The following RIN2 variants were observed in gnomAD, a reference collection of about 807,000 sequenced individuals.
RIN2 encodes the protein Ras and Rab interactor 2.
In RIN2, 36 loss-of-function variants were observed where a neutral mutation model predicts 78.0. That is an observed-to-expected ratio of 0.46 (90% confidence interval 0.35 to 0.61). The LOEUF (loss-of-function observed/expected upper bound fraction) is 0.61, where lower values mean the gene tolerates loss of function less well. RIN2 is among the 20% of genes least tolerant of loss of function. The pLI, the probability that RIN2 is intolerant of heterozygous loss-of-function variation, is 0.00. For synonymous variants in RIN2, 466 were observed against 466.8 expected, an observed-to-expected ratio of 1.00 and a Z score of 0.02; for missense variants, 1,087 against 1,159.7, an observed-to-expected ratio of 0.94 and a Z score of 0.91.
chr20:19,962,861 G>T (rs2041810286), intron 6 of RIN2, among the ~76,000 whole-genome samples: 1 of 152,132 alleles, frequency 6.6e-6, no homozygotes, highest in Non-Finnish European at 1.5e-5. Context: ...GGAGGTTGAG[G>T]CAGGAGAATC....
At chr20:19,848,253 G>A (rs997822937) in intron 2 of RIN2, among the ~76,000 whole-genome samples, 5 of 152,042 alleles carry the variant, frequency 3.3e-5, no homozygotes, top group African/African-American at 7.2e-5. Flanking sequence ...GCAGGGTCTC[G>A]GCCAGACAAG....
chr20:19,822,832 T>A (rs1256106854), intron 2 of RIN2, among the ~76,000 whole-genome samples: 4 of 152,260 alleles, frequency 2.6e-5, no homozygotes, highest in Non-Finnish European at 5.9e-5. Context: ...GTGCTTTGGA[T>A]GCATTTATTT....
At chr20:19,801,353 CTCTGT>C (rs1206099253) in intron 2 of RIN2, among the ~76,000 whole-genome samples, 1 of 151,688 alleles carries the variant, frequency 6.6e-6, no homozygotes, top group Admixed American at 6.6e-5. Context: ...CAGAGTCTTG[CTCTGT>C]CACCCAGGCT....
intron 10 of RIN2, among the ~76,000 whole-genome samples, 173 bp from the exon 11 acceptor site, chr20:19,991,995 A>G (rs2042810555): frequency 6.6e-6 from 1 of 152,256 alleles, no homozygotes. Flanking sequence ...CTCTAACATT[A>G]GCAGCTGGGA....
intron 5 of RIN2, among the ~76,000 whole-genome samples, chr20:19,958,022 C>T (rs1414126936): frequency 6.6e-6 from 1 of 152,200 alleles, no homozygotes; most frequent in African/African-American, 2.4e-5. Flanking sequence ...GAGAAAATCC[C>T]ATTAGTAGCT....
At chr20:19,945,453 T>C (rs547568135) in intron 4 of RIN2, among the ~76,000 whole-genome samples, 3 of 152,308 alleles carry the variant, frequency 2.0e-5, no homozygotes, top group African/African-American at 7.2e-5. Context: ...CACCTGCCTT[T>C]ATCCAAGAGC....
At chr20:19,998,886 C>G (rs1239594857) in intron 12 of RIN2, among the ~76,000 whole-genome samples, 1 of 152,180 alleles carries the variant, frequency 6.6e-6, no homozygotes, top group African/African-American at 2.4e-5. Flanking sequence ...CCTTTCCCCA[C>G]CTGCCAACAC....
intron 9 of RIN2, among the ~76,000 whole-genome samples, chr20:19,982,271 G>GA (rs1260499550): frequency 1.3e-5 from 2 of 152,178 alleles, no homozygotes; most frequent in African/African-American, 2.4e-5. Context: ...TACAGATGAG[G>GA]AAGCTGAGGC....
intron 3 of RIN2, among the ~76,000 whole-genome samples, chr20:19,933,434 G>A (rs13039945): frequency 0.021 from 3,168 of 152,084 alleles, 93 homozygotes; most frequent in African/African-American, 0.059. Flanking sequence ...TGACCAACCC[G>A]CCCTGATCTG....
Position 19,764,922 on chromosome 20 carries a change from T to TG in RIN2, c.-163+6595_-163+6596insG, listed in dbSNP as rs1459613738. Among the ~76,000 whole-genome samples the TG allele has an allele frequency of 3.9e-4, 44 of 111,406 alleles. No homozygotes were observed. In the South Asian group the frequency reaches 9.5e-3, roughly 24 times the overall value. 73.1% of individuals were successfully genotyped at this position (111,406 alleles called of 152,430 possible). On this transcript the variant is annotated intron_variant, in intron 1 of 12. Transcript: ENST00000255006. The stretch of plus-strand genomic sequence containing the variant: ...AAGTCCCACTTCACTTTCTGCGTTT[T>TG]TTTTTTTTTTTTTTTTTTTTTGACA...
chr20:19,874,733 A>G (rs1437515772), intron 2 of RIN2, among the ~76,000 whole-genome samples: 1 of 152,186 alleles, frequency 6.6e-6, no homozygotes, highest in East Asian at 1.9e-4. Context: ...GAGTGTAATG[A>G]GAGTTGAGGG....
chr20:19,896,253 A>G (rs182297292), intron 3 of RIN2, among the ~76,000 whole-genome samples: 482 of 152,194 alleles, frequency 3.2e-3, no homozygotes, highest in Non-Finnish European at 5.7e-3. Context: ...CAGTGACATG[A>G]TCTTGGCTCG....
intron 4 of RIN2, among the ~76,000 whole-genome samples, chr20:19,952,687 C>T (rs972737270): frequency 1.3e-5 from 2 of 152,244 alleles, no homozygotes; most frequent in South Asian, 2.1e-4. Flanking sequence ...GATATGTCAA[C>T]GTGTTTACTT....
intron 3 of RIN2, among the ~76,000 whole-genome samples, chr20:19,898,422 CA>C (rs1032713711): frequency 4.6e-5 from 7 of 152,214 alleles, no homozygotes; most frequent in Admixed American, 3.3e-4. Flanking sequence ...GTAAAATTTT[CA>C]AAAAGTTAAA....
intron 2 of RIN2, among the ~76,000 whole-genome samples, chr20:19,833,158 C>G (rs1376751897): frequency 6.6e-6 from 1 of 152,176 alleles, no homozygotes; most frequent in Non-Finnish European, 1.5e-5. Context: ...ACGTGGCAAG[C>G]CCTCCTCTTG....
At chr20:19,804,622 G>C (rs906881470) in intron 2 of RIN2, among the ~76,000 whole-genome samples, 3 of 152,074 alleles carry the variant, frequency 2.0e-5, no homozygotes, top group African/African-American at 7.2e-5. Context: ...GAGGATTTTT[G>C]TATCAATATT....
chr20:19,844,427 T>C (rs1463048963), intron 2 of RIN2, among the ~76,000 whole-genome samples: 4 of 152,226 alleles, frequency 2.6e-5, no homozygotes, highest in Non-Finnish European at 5.9e-5. Flanking sequence ...GCTTTCAACA[T>C]TAGCCTATTG....
intron 4 of RIN2, among the ~76,000 whole-genome samples, chr20:19,946,891 C>A (rs981854079): frequency 1.3e-5 from 2 of 151,626 alleles, no homozygotes; most frequent in South Asian, 4.2e-4. Flanking sequence ...ATTAGCTGGA[C>A]GTGGTGGCGC....
intron 3 of RIN2, among the ~76,000 whole-genome samples, chr20:19,927,037 A>G (rs34788869): frequency 1.8e-3 from 267 of 152,320 alleles, no homozygotes; most frequent in Middle Eastern, 0.014. Context: ...TTCAGCGCCT[A>G]GTGGGCAAAT....
Sources: gnomAD v4.1 joint callset for allele counts (sites outside exome capture counted in the v4.1 genomes callset) on GRCh38, gnomAD v4.1.1 for gene constraint, MANE v1.5 for transcripts, NCBI Gene and HGNC (gene_info 2026-07-23, HGNC 2026-07-21) for gene names.